The following GREB1L variants were observed in gnomAD, a reference collection of about 807,000 sequenced individuals.
GREB1L encodes the protein GREB1 like retinoic acid receptor coactivator, also known as GREB1-like protein.
In GREB1L, 17 loss-of-function variants were observed where a neutral mutation model predicts 200.8. That is an observed-to-expected ratio of 0.08 (90% CI 0.06 to 0.13). The LOEUF (loss-of-function observed/expected upper bound fraction) is 0.13. Among genes scored for constraint, GREB1L ranks in the 10% least tolerant of loss-of-function variants. GREB1L has a pLI of 1.00. For missense variants in GREB1L, 1,657 were observed against 2,367.7 expected (o/e 0.70, Z 6.23); for synonymous variants, 789 against 893.0 (o/e 0.88, Z 2.08).
rs1002040325 is a variant in GREB1L at position 21,499,848 on chromosome 18, G to A, written c.3511G>A (p.Ala1171Thr). 1.6e-5 allele frequency: 25 copies of A among 1,551,132 alleles called. No individual in the cohort carries two copies. Among genetic ancestry groups the A allele is most frequent in the Admixed American group, 3.9e-5 (2 of 50,896 alleles). ...TSLGLDEGVSASSAGAGAGET... is the reference protein window; with the variant it reads ...TSLGLDEGVSTSSAGAGAGET... ...CTTGGGGCTGGATGAAGGGGTCTCC[G>A]CCAGCTCAGCTGGAGCCGGAGCCGG... Residue 1171 changes from alanine to threonine, a missense_variant, in exon 22 of 33, where the codon GCC becomes ACC. Around this residue, in one of 9 missense-constraint regions of GREB1L, gnomAD observed 512 missense variants for 668.3 expected, o/e 0.77. Coordinates refer to ENST00000424526, the MANE Select transcript of GREB1L (RefSeq NM_001142966.3).
At chr18:21,365,451 G>A (rs1472355773) in intron 1 of GREB1L, among the ~76,000 whole-genome samples, 1 of 152,058 alleles carries the variant, frequency 6.6e-6, no homozygotes, top group African/African-American at 2.4e-5. Flanking sequence ...CCAATTATAT[G>A]CAATTATAAT....
At chr18:21,325,314 CT>C (rs2039006116) in intron 1 of GREB1L, among the ~76,000 whole-genome samples, 1 of 152,124 alleles carries the variant, frequency 6.6e-6, no homozygotes, top group Non-Finnish European at 1.5e-5. Flanking sequence ...GCAGCATTAT[CT>C]ACAATTCTTC....
chr18:21,471,691 G>A (rs1470102099), intron 15 of GREB1L, among the ~76,000 whole-genome samples: 2 of 148,220 alleles, frequency 1.3e-5, no homozygotes, highest in Non-Finnish European at 3.0e-5. Context: ...GTGTGATCTC[G>A]GCACACCGCA....
chr18:21,465,679 T>A (rs1290949295), intron 15 of GREB1L, among the ~76,000 whole-genome samples: 1 of 152,218 alleles, frequency 6.6e-6, no homozygotes, highest in Non-Finnish European at 1.5e-5. Flanking sequence ...ATTGATAATG[T>A]ATCTTTCAGA....
chr18:21,289,848 TTGG>T (rs765674386), intron 1 of GREB1L, among the ~76,000 whole-genome samples: 18 of 152,218 alleles, frequency 1.2e-4, no homozygotes, highest in Middle Eastern at 3.2e-3. Flanking sequence ...GGCTACATTC[TTGG>T]TGGCTACTAA....
chr18:21,475,339 A>T (rs2035644985), intron 16 of GREB1L, among the ~76,000 whole-genome samples: 1 of 152,080 alleles, frequency 6.6e-6, no homozygotes, highest in South Asian at 2.1e-4. Context: ...TTTAAACAAG[A>T]GAGTATCATA....
At chr18:21,503,564 T>C (rs1055196574) in intron 23 of GREB1L, among the ~76,000 whole-genome samples, 13 of 149,498 alleles carry the variant, frequency 8.7e-5, no homozygotes, top group African/African-American at 3.2e-4. Context: ...CTTGGCACTT[T>C]ATTATCATTA....
chr18:21,461,112 AAAAG>A (rs1184942711), intron 15 of GREB1L, among the ~76,000 whole-genome samples: 5 of 151,470 alleles, frequency 3.3e-5, no homozygotes, highest in East Asian at 1.9e-4. Context: ...AAAAAAAAGA[AAAAG>A]AAAAAAAACC....
At chr18:21,399,062 T>C (rs1453944358) in intron 5 of GREB1L, among the ~76,000 whole-genome samples, 3 of 152,200 alleles carry the variant, frequency 2.0e-5, no homozygotes, top group African/African-American at 7.2e-5. Context: ...CCCATGGCTT[T>C]TCTTCCTCTT....
chr18:21,332,280 C>T (rs1331931655), intron 1 of GREB1L, among the ~76,000 whole-genome samples: 3 of 152,080 alleles, frequency 2.0e-5, no homozygotes, highest in Admixed American at 6.6e-5. Context: ...CCTGAGCAGC[C>T]GCATTTTTAT....
intron 18 of GREB1L, among the ~76,000 whole-genome samples, chr18:21,487,219 CTT>C (rs992358532): frequency 4.6e-5 from 7 of 152,148 alleles, no homozygotes; most frequent in African/African-American, 1.7e-4. Context: ...AGTTTCCTAA[CTT>C]TTATTTTAAA....
At chr18:21,329,495 C>T (rs1196198148) in intron 1 of GREB1L, among the ~76,000 whole-genome samples, 1 of 151,766 alleles carries the variant, frequency 6.6e-6, no homozygotes, top group East Asian at 1.9e-4. Context: ...TAATTGTGGG[C>T]AAAAAGATAC....
chr18:21,273,369 T>G (rs922302113), intron 1 of GREB1L, among the ~76,000 whole-genome samples: 9 of 152,348 alleles, frequency 5.9e-5, no homozygotes, highest in Middle Eastern at 3.4e-3. Flanking sequence ...TCTTAAATTT[T>G]TTTCATAAAT....
At chr18:21,497,808 A>ACCCCCCC (rs1189405897) in intron 21 of GREB1L, among the ~76,000 whole-genome samples, 1 of 46,352 alleles carries the variant, frequency 2.2e-5, no homozygotes, top group Non-Finnish European at 4.3e-5. Flanking sequence ...TTCTCCCCTC[A>ACCCCCCC]CCACCCCCCC....
Position 21,383,781 on chromosome 18 carries a change from C to T in GREB1L, c.157+106C>T, listed in dbSNP as rs567131474. On this transcript the variant is annotated intron_variant, in intron 3 of 32. Coordinates refer to ENST00000424526, the MANE Select transcript of GREB1L (RefSeq NM_001142966.3). The stretch of plus-strand genomic sequence containing the variant: ...AGGCTGGAGTGCAGTGGCGTGATCT[C>T]GGCTCACTGCAACGTCTGCCTCCTG... 8.2e-5 allele frequency: 89 copies of T among 1,088,454 alleles called. 2 individuals are homozygous for T. The South Asian group carries it at 1.1e-3, about 14-fold the overall frequency. The allele number at this position is 1,088,454 out of a possible 1,614,324, so 67.4% of individuals were successfully genotyped here.
Position 21,401,259 on chromosome 18 carries a change from C to T in GREB1L, c.642C>T (p.His214=). 6.4e-7 allele frequency: 1 copy of T among 1,551,670 alleles called. No individual in the cohort carries two copies. Among genetic ancestry groups the T allele is most frequent in the East Asian group, 2.4e-5 (1 of 40,898 alleles). Residue 214 remains histidine, a synonymous_variant, in exon 6 of 33, where the codon CAC becomes CAT. Coordinates refer to ENST00000424526, the MANE Select transcript of GREB1L (RefSeq NM_001142966.3). ...CCACTCAGCCAAAGAAGCAGAAGCA[C>T]TTAAAGTACTACCTAGTCAGAAGCT... The part of the protein sequence containing the change: ...KLTTQPKKQK[H]LKYYLVRSSQ...
chr18:21,386,296 CT>C (rs952401998), intron 4 of GREB1L, among the ~76,000 whole-genome samples: 4 of 150,964 alleles, frequency 2.6e-5, no homozygotes, highest in African/African-American at 4.9e-5. Flanking sequence ...TTGTAGATAC[CT>C]TTTTTTTTAT....
intron 1 of GREB1L, among the ~76,000 whole-genome samples, chr18:21,296,350 G>A (rs1168155208): frequency 6.6e-6 from 1 of 152,162 alleles, no homozygotes; most frequent in South Asian, 2.1e-4. Flanking sequence ...AATATCACAT[G>A]TTCTCATTTA....
chr18:21,518,020 G>A lies in GREB1L; in HGVS notation c.5272-14G>A, dbSNP rs372034450. The A allele has an allele frequency of 6.0e-5, 93 of 1,544,208 alleles. No individual in the cohort carries two copies. In the African/African-American group the frequency reaches 7.4e-4, roughly 12 times the overall value. On this transcript the variant is annotated splice_polypyrimidine_tract_variant and intron_variant, in intron 30 of 32. Transcript: ENST00000424526. ...CAGACAAGTTTCCCATGATCATCTC[G>A]CCTCTGATTTCAGGTGTCAGAGAGC... is the stretch of plus-strand genomic sequence containing the variant.
Sources: allele counts gnomAD v4.1 joint callset (sites outside exome capture counted in the v4.1 genomes callset), GRCh38; gene constraint gnomAD v4.1.1; regional missense constraint gnomAD v4.1.1; transcripts MANE v1.5; gene names NCBI Gene and HGNC (gene_info 2026-07-23, HGNC 2026-07-21).